Variants in CSMD1 observed in about 807,000 individuals in gnomAD.
The protein encoded by CSMD1 is CUB and sushi domain-containing protein 1.
Under a neutral mutation model 417.5 loss-of-function variants are expected in CSMD1, and 213 were observed. The ratio of observed to expected loss-of-function variants is 0.51; its 90% CI spans 0.46 to 0.57. The LOEUF (loss-of-function observed/expected upper bound fraction) is 0.57, where lower values mean the gene tolerates loss of function less well. Ranked by LOEUF, CSMD1 falls within the 20% of genes least tolerant of loss-of-function variation. The probability of loss-of-function intolerance (pLI) is 0.00; values close to 1 mark genes in which losing one functional copy is unlikely to be tolerated. For missense variants in CSMD1, 6,923 were observed against 4,529.7 expected (o/e 1.53, Z -15.17); for synonymous variants, 2,862 against 1,736.8 (o/e 1.65, Z -16.11).
chr8:4,119,104 A>G (rs1212973445), intron 3 of CSMD1, among the ~76,000 whole-genome samples: 1 of 152,082 alleles, frequency 6.6e-6, no homozygotes. Flanking sequence ...GGTGGGGACA[A>G]GAGAAGGGAG....
chr8:3,623,526 A>T (rs904290158), intron 7 of CSMD1, among the ~76,000 whole-genome samples: 1 of 152,262 alleles, frequency 6.6e-6, no homozygotes, highest in Non-Finnish European at 1.5e-5. Flanking sequence ...AGCGCTAAAA[A>T]TAATTACAAT....
At chr8:4,309,804 G>T (rs1389335898) in intron 3 of CSMD1, among the ~76,000 whole-genome samples, 1 of 151,842 alleles carries the variant, frequency 6.6e-6, no homozygotes, top group African/African-American at 2.4e-5. Flanking sequence ...CTCCATATAG[G>T]TCCCTTCGCC....
intron 5 of CSMD1, among the ~76,000 whole-genome samples, chr8:3,755,498 A>G (rs1489947269): frequency 6.6e-6 from 1 of 152,204 alleles, no homozygotes; most frequent in Non-Finnish European, 1.5e-5. Context: ...AATTGCTTTT[A>G]GCAGGAACTT....
At chr8:4,025,736 C>A (rs373366261) in intron 4 of CSMD1, among the ~76,000 whole-genome samples, 1 of 152,118 alleles carries the variant, frequency 6.6e-6, no homozygotes, top group African/African-American at 2.4e-5. Flanking sequence ...TTTGAGGTCT[C>A]ATTTTTAATG....
chr8:3,659,401 G>A (rs922795), intron 7 of CSMD1, among the ~76,000 whole-genome samples: 2,750 of 152,170 alleles, frequency 0.018, 244 homozygotes, highest in Admixed American at 0.14. Flanking sequence ...CACAGGTAAC[G>A]GGTCTCAGTG....
intron 23 of CSMD1, among the ~76,000 whole-genome samples, chr8:3,311,373 C>T (rs1303290842): frequency 2.6e-5 from 4 of 152,108 alleles, no homozygotes; most frequent in African/African-American, 9.7e-5. Flanking sequence ...CCTCAGCCTC[C>T]TGAATAGCTG....
At chr8:3,350,193 TGTATGTGTGTGTTATAATA>T in intron 21 of CSMD1, among the ~76,000 whole-genome samples, 1 of 124,580 alleles carries the variant, frequency 8.0e-6, no homozygotes, top group South Asian at 2.5e-4. Flanking sequence ...CTATAACTTG[TGTATGTGTGTGTTATAATA>T]CCTATAATAA....
chr8:3,452,463 T>C (rs964936737), intron 12 of CSMD1, among the ~76,000 whole-genome samples: 3 of 152,202 alleles, frequency 2.0e-5, no homozygotes, highest in African/African-American at 7.2e-5. Flanking sequence ...TTGTCATAGA[T>C]AGGTTTTATT....
At chr8:3,607,018 T>C (rs1215716952) in intron 8 of CSMD1, among the ~76,000 whole-genome samples, 2 of 152,170 alleles carry the variant, frequency 1.3e-5, no homozygotes, top group Non-Finnish European at 2.9e-5. Flanking sequence ...CCTACCGTGT[T>C]ACAGTTTTTA....
chr8:4,313,809 T>C (rs1156638494), intron 3 of CSMD1, among the ~76,000 whole-genome samples: 5 of 151,618 alleles, frequency 3.3e-5, no homozygotes, highest in Admixed American at 2.0e-4. Flanking sequence ...AGGTCAGGAG[T>C]TCGAGACTAG....
chr8:3,124,393 C>T (rs1230256553), intron 41 of CSMD1, among the ~76,000 whole-genome samples: 2 of 151,988 alleles, frequency 1.3e-5, no homozygotes, highest in African/African-American at 4.8e-5. Context: ...AAATATAAAA[C>T]CTGGTTAAGG....
chr8:4,095,593 G>C (rs576979305), intron 3 of CSMD1, among the ~76,000 whole-genome samples: 2 of 152,142 alleles, frequency 1.3e-5, no homozygotes, highest in Non-Finnish European at 2.9e-5. Flanking sequence ...AGAAAACCAA[G>C]AAACAAAGTA....
intron 5 of CSMD1, among the ~76,000 whole-genome samples, chr8:3,775,070 G>A (rs867262878): frequency 6.6e-5 from 10 of 152,134 alleles, no homozygotes; most frequent in Admixed American, 4.6e-4. Context: ...TAAAACTTAC[G>A]AATTGTTTGT....
chr8:3,483,211 C>G (rs1345130904), intron 11 of CSMD1, among the ~76,000 whole-genome samples: 3 of 151,570 alleles, frequency 2.0e-5, no homozygotes, highest in African/African-American at 4.8e-5. Context: ...ATTGATGAAG[C>G]TATAAGAACA....
intron 3 of CSMD1, among the ~76,000 whole-genome samples, chr8:4,386,184 A>G (rs1239332672): frequency 6.6e-6 from 1 of 152,024 alleles, no homozygotes; most frequent in Non-Finnish European, 1.5e-5. Flanking sequence ...ACACTATCAG[A>G]CATTCTCCTA....
chr8:4,905,420 C>T (rs13252806), intron 1 of CSMD1, among the ~76,000 whole-genome samples: 152,114 of 152,192 alleles, frequency 1, 76,018 homozygotes, highest in Middle Eastern at 1. Flanking sequence ...TTATAAAATA[C>T]ATATACATGT....
At chr8:4,895,776 G>C (rs1028076843) in intron 1 of CSMD1, among the ~76,000 whole-genome samples, 4 of 151,428 alleles carry the variant, frequency 2.6e-5, no homozygotes, top group African/African-American at 9.7e-5. Flanking sequence ...CTTTACCAAA[G>C]TAAATTTAAA....
chr8:3,973,678 T>C (rs1021623899), intron 5 of CSMD1, among the ~76,000 whole-genome samples: 3 of 152,224 alleles, frequency 2.0e-5, no homozygotes, highest in Admixed American at 6.5e-5. Context: ...TCCTTGGTAC[T>C]GGCAACAGAG....
intron 2 of CSMD1, among the ~76,000 whole-genome samples, chr8:4,552,805 T>A (rs1377388770): frequency 6.6e-6 from 1 of 152,188 alleles, no homozygotes; most frequent in Non-Finnish European, 1.5e-5. Context: ...TAACCCCACC[T>A]CCTTCACAGG....
Sources: gnomAD v4.1 joint callset for allele counts (sites outside exome capture counted in the v4.1 genomes callset) on GRCh38, gnomAD v4.1.1 for gene constraint, MANE v1.5 for transcripts, NCBI Gene and HGNC (gene_info 2026-07-23, HGNC 2026-07-21) for gene names.